The following ABHD6 variants were observed in gnomAD, a reference collection of about 807,000 sequenced individuals.
ABHD6 encodes abhydrolase domain containing 6, acylglycerol lipase, also known as monoacylglycerol lipase ABHD6.
In ABHD6, 33 loss-of-function variants were observed where a neutral mutation model predicts 38.8. The ratio of observed to expected loss-of-function variants is 0.85; its 90% CI spans 0.64 to 1.14. The LOEUF (loss-of-function observed/expected upper bound fraction) is 1.14, where lower values mean the gene tolerates loss of function less well. Ranked by LOEUF, ABHD6 falls within the 50% of genes most tolerant of loss-of-function variation. ABHD6 has a pLI of 0.00. For missense variants in ABHD6, 380 were observed against 422.6 expected (o/e 0.90, Z 0.88); for synonymous variants, 147 against 161.6 (o/e 0.91, Z 0.69).
chr3:58,264,450 C>T (rs2097439525), intron 3 of ABHD6, among the ~76,000 whole-genome samples: 1 of 143,308 alleles, frequency 7.0e-6, no homozygotes, highest in Admixed American at 7.1e-5. Context: ...CACACATATG[C>T]CAGGTGCAGT....
intron 7 of ABHD6, among the ~76,000 whole-genome samples, chr3:58,277,423 G>A (rs778307389): frequency 6.6e-6 from 1 of 151,914 alleles, no homozygotes; most frequent in Non-Finnish European, 1.5e-5. Context: ...GTTTGTTATT[G>A]TTGTATAGGA....
intron 9 of ABHD6, among the ~76,000 whole-genome samples, chr3:58,289,346 AAGGTCTCTG>A (rs2097459796): frequency 6.6e-6 from 1 of 151,588 alleles, no homozygotes; most frequent in African/African-American, 2.4e-5. Context: ...CAAGTGAACA[AAGGTCTCTG>A]GTTTTCCTAG....
chr3:58,250,946 A>C (rs532538986), intron 2 of ABHD6, among the ~76,000 whole-genome samples: 29 of 152,318 alleles, frequency 1.9e-4, no homozygotes, highest in African/African-American at 6.7e-4. Context: ...CCTTTGCCTA[A>C]CAGGAGTGGT....
rs1336127055 is a variant in ABHD6 at position 58,269,516 on chromosome 3, G to A, written c.390+82G>A. ...CTGAGTCTGGAGAGCAGGGAAGGGA[G>A]TCCTGTGCTACCTCATGACCAGTCT... On this transcript the variant is annotated intron_variant, in intron 5 of 9. Coordinates refer to ENST00000478253, the MANE Select transcript of ABHD6 (RefSeq NM_001320126.2). The surrounding 1 kb of genome is among the most constrained non-coding windows in gnomAD (Gnocchi z 4.4). 1 of 1,076,608 alleles carries A rather than the reference G, an allele frequency of 9.3e-7. No homozygotes were observed. The highest frequency in any genetic ancestry group is 2.5e-5 in the East Asian group (1 of 39,340). The allele number at this position is 1,076,608 out of a possible 1,614,324, so 66.7% of individuals were successfully genotyped here.
chr3:58,274,567 A>G (rs2097447376), intron 6 of ABHD6, 91 bp from the exon 7 acceptor site: 3 of 1,353,014 alleles, frequency 2.2e-6, no homozygotes, highest in Non-Finnish European at 2.0e-6. Flanking sequence ...AAATATATTA[A>G]CTCTGGGCTG....
chr3:58,276,369 A>G (rs2097448735), intron 7 of ABHD6, among the ~76,000 whole-genome samples: 1 of 152,032 alleles, frequency 6.6e-6, no homozygotes, highest in Non-Finnish European at 1.5e-5. Flanking sequence ...ATGACCAGTG[A>G]TGATGAGCAG....
intron 9 of ABHD6, among the ~76,000 whole-genome samples, chr3:58,286,874 A>ATATATATATATATATATATG (rs1559784540): frequency 1.5e-5 from 2 of 134,782 alleles, no homozygotes; most frequent in African/African-American, 2.7e-5. Context: ...ATATATGTAT[A>ATATATATATATATATATATG]TGTATATATA....
chr3:58,266,601 G>A lies in ABHD6; in HGVS notation c.120-588G>A, dbSNP rs567897026. 3.9e-5 allele frequency among the ~76,000 whole-genome samples: 6 copies of A among 152,322 alleles called. No homozygotes were observed. The highest frequency in any genetic ancestry group is 8.8e-5 in the Non-Finnish European group (6 of 68,028). On this transcript the variant is annotated intron_variant, in intron 3 of 9. Transcript: ENST00000478253. The surrounding 1 kb of genome is among the most constrained non-coding windows in gnomAD (Gnocchi z 4.0). Reference sequence around the variant, plus strand: ...CAGTTTAGGTTATTTGCTTTTGCAAGACTTGGCTACTTCTTTAGTGTGAAG... The same window carrying A: ...CAGTTTAGGTTATTTGCTTTTGCAAAACTTGGCTACTTCTTTAGTGTGAAG...
chr3:58,240,284 A>C (rs1041947150), intron 1 of ABHD6, among the ~76,000 whole-genome samples: 1 of 151,998 alleles, frequency 6.6e-6, no homozygotes, highest in African/African-American at 2.4e-5. Context: ...TGTGTTTCCT[A>C]CTCAGGCTGA....
chr3:58,243,039 A>G (rs1249398956), intron 1 of ABHD6, among the ~76,000 whole-genome samples: 2 of 152,192 alleles, frequency 1.3e-5, no homozygotes, highest in Admixed American at 1.3e-4. Context: ...TGTCCCTACA[A>G]AGGACATGAA....
At chr3:58,270,012 G>A (rs17059098) in intron 5 of ABHD6, among the ~76,000 whole-genome samples, 12,450 of 152,090 alleles carry the variant, frequency 0.082, 602 homozygotes, top group South Asian at 0.1. Context: ...TTTTAAATTC[G>A]GTCAGGAACC....
intron 2 of ABHD6, among the ~76,000 whole-genome samples, chr3:58,254,852 ACAC>A (rs2107433385): frequency 6.2e-5 from 1 of 16,148 alleles, no homozygotes; most frequent in Admixed American, 7.3e-4. Context: ...ATATGTGTAT[ACAC>A]ACACACACAC....
Position 58,287,281 on chromosome 3 carries a change from C to G in ABHD6, c.837+1828C>G, listed in dbSNP as rs2097458190. Among the ~76,000 whole-genome samples, 1 of 151,904 alleles carries G rather than the reference C, an allele frequency of 6.6e-6. No individual in the cohort carries two copies. The highest frequency in any genetic ancestry group is 2.4e-5 in the African/African-American group (1 of 41,360). On this transcript the variant is annotated intron_variant, in intron 9 of 9. Transcript: ENST00000478253. The surrounding 1 kb of genome is among the most constrained non-coding windows in gnomAD (Gnocchi z 4.7). ...CCTGGGCCACAGGGCGGGATCCTAT[C>G]TCAAAAAAATAAAAATAAAAAAGAA...
In ABHD6 at chr3:58,293,998, C is replaced by T. The variant is rs1443059223; in HGVS notation, c.*233C>T. The T allele has an allele frequency of 2.5e-6, 1 of 405,354 alleles. No individual in the cohort carries two copies. The highest frequency in any genetic ancestry group is 4.3e-6 in the Non-Finnish European group (1 of 230,146). 25.1% of individuals were successfully genotyped at this position (405,354 alleles called of 1,614,324 possible). On this transcript the variant is annotated 3_prime_UTR_variant, in exon 10 of 10. Transcript: ENST00000478253. This position sits in a 1 kb window ranked among gnomAD's most constrained non-coding sequence, Gnocchi z 4.4. ...ACTCATATGGAACAAAATAAGAAAC[C>T]CCAGCCATGAAATCTACCATGAAGT...
intron 7 of ABHD6, among the ~76,000 whole-genome samples, chr3:58,282,377 T>C (rs756513192): frequency 1.3e-5 from 2 of 152,096 alleles, no homozygotes; most frequent in East Asian, 3.9e-4. Context: ...ATGGACAGGA[T>C]GTACAGGCAA....
Position 58,242,789 on chromosome 3 carries a change from G to A in ABHD6, c.-91+4873G>A, listed in dbSNP as rs538365991. ...CACAACGTGCAGGTTTGTTACATAT[G>A]TATACATGTGCCATGTTGGTTTGCT... On this transcript the variant is annotated intron_variant, in intron 1 of 9. Coordinates refer to ENST00000478253, the MANE Select transcript of ABHD6 (RefSeq NM_001320126.2). 5.0e-4 allele frequency among the ~76,000 whole-genome samples: 76 copies of A among 152,270 alleles called. 2 individuals are homozygous for A. Among genetic ancestry groups the A allele is most frequent in the Admixed American group, 2.1e-3 (32 of 15,284 alleles).
At position 58,273,456 on chromosome 3, in the gene ABHD6, C is replaced by G. The variant is rs563709322; in HGVS notation, c.524-1202C>G. ...TTTATTGCAGCACTATTTACGATAGCAAAGACTTGGAACTAACCCAAATGC... is the reference window on the plus strand; with the variant it reads ...TTTATTGCAGCACTATTTACGATAGGAAAGACTTGGAACTAACCCAAATGC... On this transcript the variant is annotated intron_variant, in intron 6 of 9. Coordinates refer to ENST00000478253, the MANE Select transcript of ABHD6 (RefSeq NM_001320126.2). The surrounding 1 kb of genome is among the most constrained non-coding windows in gnomAD (Gnocchi z 4.8). Among the ~76,000 whole-genome samples, 124 of 152,194 alleles carry G rather than the reference C, an allele frequency of 8.1e-4. No homozygotes were observed. Among genetic ancestry groups the G allele is most frequent in the African/African-American group, 2.9e-3 (119 of 41,534 alleles).
intron 1 of ABHD6, among the ~76,000 whole-genome samples, chr3:58,244,120 T>G (rs2097424698): frequency 6.6e-6 from 1 of 152,242 alleles, no homozygotes; most frequent in Non-Finnish European, 1.5e-5. Flanking sequence ...GGTCGTCAGA[T>G]GTTTTGCAAA....
Position 58,262,994 on chromosome 3 carries a change from G to T in ABHD6, c.120-4195G>T, listed in dbSNP as rs2097438102. Among the ~76,000 whole-genome samples the T allele has an allele frequency of 2.0e-5, 3 of 152,194 alleles. No individual in the cohort carries two copies. The South Asian group carries it at 6.2e-4, about 32-fold the overall frequency. Reference sequence around the variant, plus strand: ...GAAGGCCGAGGTGGGTAGATCACGAGGTCAGGAGTTTGAGACCAGCCTGGC... The same window carrying T: ...GAAGGCCGAGGTGGGTAGATCACGATGTCAGGAGTTTGAGACCAGCCTGGC... On this transcript the variant is annotated intron_variant, in intron 3 of 9. Transcript: ENST00000478253.
Sources: gnomAD v4.1 joint callset for allele counts (sites outside exome capture counted in the v4.1 genomes callset) on GRCh38, gnomAD v4.1.1 for gene constraint, Gnocchi (gnomAD v3.1) non-coding constraint, MANE v1.5 for transcripts, NCBI Gene and HGNC (gene_info 2026-07-23, HGNC 2026-07-21) for gene names.